The following LGR5 variants were observed in gnomAD, a reference collection of about 807,000 sequenced individuals.
LGR5 encodes leucine rich repeat containing G protein-coupled receptor 5, also known as leucine-rich repeat-containing G protein-coupled receptor 5.
Under a neutral mutation model 76.7 loss-of-function variants are expected in LGR5, and 54 were observed. The ratio of observed to expected loss-of-function variants is 0.70; its 90% CI spans 0.57 to 0.88. The LOEUF is 0.88. LGR5 is among the 40% of genes least tolerant of loss of function. The pLI is 0.00. For missense variants in LGR5, 1,078 were observed against 1,073.3 expected (o/e 1.00, Z -0.06); for synonymous variants, 406 against 421.9 (o/e 0.96, Z 0.46).
intron 16 of LGR5, 138 bp from the exon 17 acceptor site, chr12:71,582,318 A>G (rs1049404793): frequency 3.0e-6 from 2 of 672,930 alleles, no homozygotes; most frequent in East Asian, 5.3e-5. Flanking sequence ...CAACTTTATA[A>G]TAACTTGCAA....
intron 2 of LGR5, among the ~76,000 whole-genome samples, chr12:71,523,937 T>C (rs1388370193): frequency 6.6e-6 from 1 of 152,240 alleles, no homozygotes; most frequent in East Asian, 1.9e-4. Flanking sequence ...ATTGTGATAG[T>C]CTACATTCTT....
chr12:71,441,813 G>A (rs912376436), intron 1 of LGR5: 25 of 152,060 alleles, frequency 1.6e-4, no homozygotes, highest in African/African-American at 5.3e-4. Flanking sequence ...TAGTGATATC[G>A]TTCCAGGAAT....
At chr12:71,474,605 T>C (rs1216544655) in intron 1 of LGR5, among the ~76,000 whole-genome samples, 1 of 152,200 alleles carries the variant, frequency 6.6e-6, no homozygotes, top group Non-Finnish European at 1.5e-5. Flanking sequence ...CCCCAATCTT[T>C]TAAAATACTA....
At chr12:71,556,721 T>C (rs754384528) in intron 6 of LGR5, 31 bp downstream of exon 6, 1 of 1,506,742 alleles carries the variant, frequency 6.6e-7, no homozygotes, top group Non-Finnish European at 9.2e-7. Flanking sequence ...TTTCCCTTTT[T>C]TCAGTATTTT....
intron 1 of LGR5, among the ~76,000 whole-genome samples, chr12:71,500,922 C>T (rs1011434206): frequency 6.6e-6 from 1 of 152,116 alleles, no homozygotes; most frequent in African/African-American, 2.4e-5. Context: ...CTTATTTGAC[C>T]ATCTTGTCAC....
intron 1 of LGR5, among the ~76,000 whole-genome samples, chr12:71,474,006 A>T (rs535322949): frequency 1.3e-5 from 2 of 152,182 alleles, no homozygotes. Context: ...AATCTCATGC[A>T]CTAAAATCTC....
At chr12:71,569,289 A>G (rs1000706211) in intron 11 of LGR5, among the ~76,000 whole-genome samples, 11 of 152,260 alleles carry the variant, frequency 7.2e-5, no homozygotes, top group African/African-American at 2.7e-4. Context: ...CAATTGCAAC[A>G]AAAGCAAAAA....
At position 71,584,261 on chromosome 12, in the gene LGR5, T is replaced by A. The variant is rs1444946928; in HGVS notation, c.2251T>A (p.Leu751Met). 6.2e-7 allele frequency: 1 copy of A among 1,614,080 alleles called. No homozygotes were observed. Residue 751 changes from leucine to methionine, a missense_variant, in exon 18 of 18, where the codon TTG becomes ATG. By Grantham distance (15) the Leu-to-Met change is conservative (BLOSUM62 2). Coordinates refer to ENST00000266674, the MANE Select transcript of LGR5 (RefSeq NM_003667.4). The part of the protein sequence containing the change: ...TIAYTKLYCN[L>M]DKGDLENIWD... ...TGCCTACACCAAGCTCTACTGCAATTTGGACAAGGGAGACCTGGAGAATAT... is the reference window on the plus strand; with the variant it reads ...TGCCTACACCAAGCTCTACTGCAATATGGACAAGGGAGACCTGGAGAATAT...
At chr12:71,548,654 T>C (rs1004547196) in intron 4 of LGR5, among the ~76,000 whole-genome samples, 2 of 152,192 alleles carry the variant, frequency 1.3e-5, no homozygotes, top group African/African-American at 4.8e-5. Flanking sequence ...GTTATTTCCT[T>C]AATCAGAAAG....
intron 1 of LGR5, among the ~76,000 whole-genome samples, chr12:71,468,502 T>C (rs1220007964): frequency 1.3e-5 from 2 of 152,186 alleles, no homozygotes; most frequent in Non-Finnish European, 2.9e-5. Context: ...ATCTAGGCTC[T>C]GAAAAAGTCT....
chr12:71,481,901 A>T (rs1011847772), intron 1 of LGR5, among the ~76,000 whole-genome samples: 2 of 152,214 alleles, frequency 1.3e-5, no homozygotes, highest in East Asian at 1.9e-4. Flanking sequence ...TTTAACAGAC[A>T]TAACAGACAC....
intron 3 of LGR5, among the ~76,000 whole-genome samples, chr12:71,532,797 T>C (rs1012933721): frequency 1.2e-4 from 14 of 112,176 alleles, no homozygotes; most frequent in African/African-American, 5.2e-4. Flanking sequence ...CAAATGAAGA[T>C]TTTTTTTTTT....
intron 1 of LGR5, among the ~76,000 whole-genome samples, chr12:71,461,270 T>G (rs12811973): frequency 0.045 from 6,865 of 152,250 alleles, 200 homozygotes; most frequent in Non-Finnish European, 0.067. Context: ...CTGGGAATGA[T>G]AGTTTATTCA....
intron 3 of LGR5, among the ~76,000 whole-genome samples, chr12:71,527,603 A>T (rs903361331): frequency 2.6e-5 from 4 of 152,246 alleles, no homozygotes; most frequent in Non-Finnish European, 4.4e-5. Flanking sequence ...AAATATTTAT[A>T]AAGCAAACTT....
chr12:71,546,472 G>A lies in LGR5; in HGVS notation c.429-6601G>A, dbSNP rs1036633458. Among the ~76,000 whole-genome samples the A allele has an allele frequency of 2.6e-5, 4 of 151,868 alleles. 1 individual carries two copies. The highest frequency in any genetic ancestry group is 2.6e-4 in the Admixed American group (4 of 15,244). The stretch of plus-strand genomic sequence containing the variant: ...CTGGGTGACATTCATCTCTGTTCTC[G>A]CATCCATCCAGTTGCCCAGGCCAGA... On this transcript the variant is annotated intron_variant, in intron 4 of 17. Coordinates refer to ENST00000266674, the MANE Select transcript of LGR5 (RefSeq NM_003667.4).
intron 1 of LGR5, among the ~76,000 whole-genome samples, chr12:71,465,502 T>C (rs1872829085): frequency 6.6e-6 from 1 of 152,316 alleles, no homozygotes; most frequent in South Asian, 2.1e-4. Flanking sequence ...ATGTTTATGA[T>C]CCTTGGCTTT....
intron 7 of LGR5, 90 bp downstream of exon 7, chr12:71,559,744 T>C: frequency 2.9e-6 from 2 of 687,508 alleles, no homozygotes; most frequent in Admixed American, 2.6e-5. Context: ...TAATATGACT[T>C]GCTAGAAAAT....
chr12:71,470,216 A>G (rs1445771405), intron 1 of LGR5, among the ~76,000 whole-genome samples: 1 of 152,196 alleles, frequency 6.6e-6, no homozygotes, highest in Non-Finnish European at 1.5e-5. Context: ...TTCTGGCTTC[A>G]TCAATGAGAA....
chr12:71,562,261 T>A (rs541946739), intron 8 of LGR5, among the ~76,000 whole-genome samples: 8 of 152,222 alleles, frequency 5.3e-5, no homozygotes, highest in Non-Finnish European at 1.0e-4. Context: ...GACTCCAGCC[T>A]AAATTGATGG....
Sources: allele counts gnomAD v4.1 joint callset (sites outside exome capture counted in the v4.1 genomes callset), GRCh38; gene constraint gnomAD v4.1.1; transcripts MANE v1.5; gene names NCBI Gene and HGNC (gene_info 2026-07-23, HGNC 2026-07-21).